The following GALNT10 variants were observed in gnomAD, a reference collection of about 807,000 sequenced individuals.
GALNT10 encodes the protein polypeptide N-acetylgalactosaminyltransferase 10.
A neutral mutation model predicts 75.0 loss-of-function variants in GALNT10; 41 were observed. The ratio of observed to expected loss-of-function variants is 0.55; its 90% CI spans 0.43 to 0.71. The LOEUF (loss-of-function observed/expected upper bound fraction) is 0.71. GALNT10 is among the 30% of genes least tolerant of loss of function. The pLI, the probability that GALNT10 is intolerant of heterozygous loss-of-function variation, is 0.00. For missense variants in GALNT10, 727 were observed against 818.5 expected (o/e 0.89, Z 1.36); for synonymous variants, 302 against 313.0 (o/e 0.96, Z 0.37).
chr5:154,297,701 G>A (rs1047253263), intron 2 of GALNT10, among the ~76,000 whole-genome samples: 1 of 152,212 alleles, frequency 6.6e-6, no homozygotes, highest in African/African-American at 2.4e-5. Context: ...TCTGTGGAAT[G>A]AGAGGTCTCA....
intron 1 of GALNT10, among the ~76,000 whole-genome samples, chr5:154,241,529 A>T (rs905816346): frequency 2.6e-5 from 4 of 151,758 alleles, no homozygotes; most frequent in African/African-American, 9.7e-5. Context: ...TGTGTTAACA[A>T]GGTTTTTTTT....
chr5:154,331,581 C>T (rs1754864999), intron 4 of GALNT10, among the ~76,000 whole-genome samples: 1 of 152,116 alleles, frequency 6.6e-6, no homozygotes, highest in Non-Finnish European at 1.5e-5. Context: ...TAGGACAGTA[C>T]CTGGCACAGA....
At chr5:154,253,392 TG>T (rs1241367587) in intron 1 of GALNT10, among the ~76,000 whole-genome samples, 1 of 57,280 alleles carries the variant, frequency 1.7e-5, no homozygotes, top group African/African-American at 7.2e-5. Context: ...GGGACTGTTG[TG>T]GGGTGGGGGG....
intron 1 of GALNT10, among the ~76,000 whole-genome samples, chr5:154,277,049 G>A (rs1753963266): frequency 6.6e-6 from 1 of 152,074 alleles, no homozygotes; most frequent in Admixed American, 6.5e-5. Flanking sequence ...CCAAAGCTCA[G>A]TGACCTCAAA....
chr5:154,219,970 T>C (rs1412801282), intron 1 of GALNT10: 2 of 152,092 alleles, frequency 1.3e-5, no homozygotes, highest in Admixed American at 6.5e-5. Flanking sequence ...ATGGTAGGCA[T>C]AGGAGAATTT....
At chr5:154,208,149 G>A (rs1775138521) in intron 1 of GALNT10, among the ~76,000 whole-genome samples, 1 of 152,184 alleles carries the variant, frequency 6.6e-6, no homozygotes, top group Non-Finnish European at 1.5e-5. Context: ...AGCAGTTTTT[G>A]ACTGAACACT....
chr5:154,220,294 C>T (rs951171117), intron 1 of GALNT10: 2 of 152,188 alleles, frequency 1.3e-5, no homozygotes, highest in African/African-American at 2.4e-5. Flanking sequence ...GTGACACTGC[C>T]TCCCTTTGAA....
intron 8 of GALNT10, among the ~76,000 whole-genome samples, chr5:154,406,908 A>G (rs1435549619): frequency 2.0e-5 from 3 of 152,170 alleles, no homozygotes; most frequent in African/African-American, 7.2e-5. Context: ...TAGCTCCGAG[A>G]GAGCCAGATA....
chr5:154,396,015 T>G (rs181831261), intron 7 of GALNT10, among the ~76,000 whole-genome samples: 25 of 152,276 alleles, frequency 1.6e-4, no homozygotes, highest in Non-Finnish European at 3.2e-4. Flanking sequence ...GCAGAGAGGA[T>G]GCTCAGGCGT....
intron 1 of GALNT10, among the ~76,000 whole-genome samples, chr5:154,217,718 G>A (rs76339705): frequency 2.6e-5 from 4 of 152,190 alleles, no homozygotes; most frequent in African/African-American, 4.8e-5. Flanking sequence ...GTCAGCGCAG[G>A]CCCTGCAGTA....
At chr5:154,225,114 A>G (rs1477904997) in intron 1 of GALNT10, among the ~76,000 whole-genome samples, 1 of 147,244 alleles carries the variant, frequency 6.8e-6, no homozygotes, top group East Asian at 2.0e-4. Flanking sequence ...TTTTTTTTAG[A>G]CAGAGTCTTG....
At chr5:154,403,899 G>A in intron 7 of GALNT10, 1 of 639,744 alleles carries the variant, frequency 1.6e-6, no homozygotes, top group Non-Finnish European at 2.9e-6. Context: ...ATAGTGTGTG[G>A]CAATGGTAAG....
intron 3 of GALNT10, among the ~76,000 whole-genome samples, chr5:154,321,749 C>A (rs61152906): frequency 0.04 from 6,100 of 152,100 alleles, 400 homozygotes; most frequent in African/African-American, 0.14. Flanking sequence ...GCTGAAGCTG[C>A]CCTGGTGTGA....
chr5:154,246,468 CTGT>C (rs1365881314), intron 1 of GALNT10, among the ~76,000 whole-genome samples: 1 of 152,200 alleles, frequency 6.6e-6, no homozygotes, highest in Non-Finnish European at 1.5e-5. Flanking sequence ...TCTCCAGCAC[CTGT>C]TGTTTCCTGA....
intron 1 of GALNT10, among the ~76,000 whole-genome samples, chr5:154,266,893 T>C (rs1011473672): frequency 2.6e-5 from 4 of 152,204 alleles, no homozygotes; most frequent in South Asian, 4.1e-4. Flanking sequence ...AAACAGAACT[T>C]ATTCATCCTT....
At chr5:154,325,151 G>A (rs111944099) in intron 3 of GALNT10, among the ~76,000 whole-genome samples, 1,549 of 134,860 alleles carry the variant, frequency 0.011, 23 homozygotes, top group South Asian at 0.034. Flanking sequence ...TGAGCCCAAT[G>A]TATGTGAGTT....
intron 10 of GALNT10, among the ~76,000 whole-genome samples, chr5:154,414,939 C>G (rs1436181046): frequency 6.6e-6 from 1 of 152,116 alleles, no homozygotes. Context: ...GCCTGACCAA[C>G]GTGGTGAAAC....
chr5:154,371,526 A>G (rs1308610884), intron 4 of GALNT10, among the ~76,000 whole-genome samples: 1 of 112,650 alleles, frequency 8.9e-6, no homozygotes, highest in African/African-American at 3.0e-5. Flanking sequence ...CAGAGGCCCC[A>G]GACACACCAC....
rs1421118196 is a variant in GALNT10, at chr5:154,380,528, C to G, written c.835C>G (p.Gln279Glu). 6.2e-7 allele frequency: 1 copy of G among 1,613,774 alleles called. No individual in the cohort carries two copies. The highest frequency in any genetic ancestry group is 1.3e-5 in the African/African-American group (1 of 74,910). Residue 279 changes from glutamine to glutamate, a missense_variant, in exon 6 of 12, where the codon CAG becomes GAG. Gln to Glu is a conservative substitution (Grantham distance 29, BLOSUM62 2). Transcript: ENST00000297107. ...IDHDDFRYET[Q>E]AGDAMRGAFD... Reference sequence around the variant, plus strand: ...CCATGACGACTTTCGGTACGAGACACAGGCAGGGGATGCCATGCGGGGAGC... The same window carrying G: ...CCATGACGACTTTCGGTACGAGACAGAGGCAGGGGATGCCATGCGGGGAGC...
Sources: gnomAD v4.1 joint callset for allele counts (sites outside exome capture counted in the v4.1 genomes callset) on GRCh38, gnomAD v4.1.1 for gene constraint, MANE v1.5 for transcripts, NCBI Gene and HGNC (gene_info 2026-07-23, HGNC 2026-07-21) for gene names.